Variants in CELSR1 observed in about 807,000 individuals in gnomAD.
The protein encoded by CELSR1 is cadherin EGF LAG seven-pass G-type receptor 1, also known as adhesion G protein-coupled receptor C1.
A neutral mutation model predicts 249.1 loss-of-function variants in CELSR1; 110 were observed. The ratio of observed to expected loss-of-function variants is 0.44; its 90% CI spans 0.38 to 0.52. CELSR1 has a LOEUF of 0.52. Among genes scored for constraint, CELSR1 ranks in the 20% least tolerant of loss-of-function variants. The probability of loss-of-function intolerance (pLI) is 0.00; values close to 1 mark genes in which losing one functional copy is unlikely to be tolerated. For missense variants in CELSR1, 4,109 were observed against 4,296.4 expected (o/e 0.96, Z 1.22); for synonymous variants, 2,113 against 1,900.0 (o/e 1.11, Z -2.92).
chr22:46,415,237 C>T (rs906209680), intron 5 of CELSR1, among the ~76,000 whole-genome samples: 1 of 152,162 alleles, frequency 6.6e-6, no homozygotes, highest in African/African-American at 2.4e-5. Context: ...GCAACCTCCG[C>T]CTCCCAGGTT....
intron 17 of CELSR1, among the ~76,000 whole-genome samples, chr22:46,389,724 T>G (rs1425495517): frequency 6.6e-6 from 1 of 152,234 alleles, no homozygotes; most frequent in Non-Finnish European, 1.5e-5. Context: ...AAGACCAGCC[T>G]GTCCAATATG....
rs1263421175 is a variant in CELSR1 at position 46,413,809 on chromosome 22, G to A, written c.4612-2050C>T. ...GAAAACGCGTGGAAGTGCCCATTAT[G>A]GGACGCTTAAATGTGAGATGCGATC... On this transcript the variant is annotated intron_variant, in intron 5 of 34. Coordinates refer to ENST00000674500, the MANE Select transcript of CELSR1 (RefSeq NM_001378328.1). The surrounding 1 kb of genome is among the most constrained non-coding windows in gnomAD (Gnocchi z 4.7). Among the ~76,000 whole-genome samples, 1 of 152,170 alleles carries A rather than the reference G, an allele frequency of 6.6e-6. No homozygotes were observed. Among genetic ancestry groups the A allele is most frequent in the Non-Finnish European group, 1.5e-5 (1 of 68,034 alleles).
rs953121241 is a variant in CELSR1, at chr22:46,443,548, C to T, written c.4184-4137G>A. On this transcript the variant is annotated intron_variant, in intron 2 of 34. Coordinates refer to ENST00000674500, the MANE Select transcript of CELSR1 (RefSeq NM_001378328.1). ...ATGCTGCACCCCGCCGCCCTGCAGG[C>T]GGGCCATGTGCACACACACACCTGC... is the stretch of plus-strand genomic sequence containing the variant. Among the ~76,000 whole-genome samples the T allele has an allele frequency of 5.3e-5, 8 of 152,242 alleles. No individual in the cohort carries two copies. The South Asian group carries it at 1.4e-3, about 28-fold the overall frequency.
rs761697496 is a variant in CELSR1 at position 46,410,506 on chromosome 22, C to A, written c.4825G>T (p.Asp1609Tyr). 3.8e-5 allele frequency: 61 copies of A among 1,614,018 alleles called. No homozygotes were observed. Among genetic ancestry groups the A allele is most frequent in the Admixed American group, 1.8e-4 (11 of 60,012 alleles). Residue 1609 changes from aspartate (D) to tyrosine (Y), a missense_variant, in exon 7 of 35, where the codon GAC becomes TAC. Around this residue, in one of 7 missense-constraint regions of CELSR1, gnomAD observed 453 missense variants for 492.0 expected, o/e 0.92. Transcript: ENST00000674500. This position sits in a 1 kb window ranked among gnomAD's most constrained non-coding sequence, Gnocchi z 6.8. ...LLGGVPNLPE[D>Y]FPVHNRQFVG... ...AACTGCCGGTTGTGCACTGGGAAGT[C>A]TTCTGGCAGGTTGGGGACACCCCCC...
intron 1 of CELSR1, among the ~76,000 whole-genome samples, chr22:46,493,535 G>C (rs1264362997): frequency 7.9e-6 from 1 of 127,322 alleles, no homozygotes. Flanking sequence ...GACAGAACGA[G>C]ACTCCGTCTC....
In CELSR1 at chr22:46,473,991, G is replaced by C. The variant is rs1006779225; in HGVS notation, c.3545-9646C>G. ...AGGGGACAAGCACTTTCAGGGTTGG[G>C]TGTGCGGCGCATGTCAGGATGTCAA... On this transcript the variant is annotated intron_variant, in intron 1 of 34. Coordinates refer to ENST00000674500, the MANE Select transcript of CELSR1 (RefSeq NM_001378328.1). This position sits in a 1 kb window ranked among gnomAD's most constrained non-coding sequence, Gnocchi z 6.6. 6.6e-6 allele frequency among the ~76,000 whole-genome samples: 1 copy of C among 152,128 alleles called. No individual in the cohort carries two copies. The highest frequency in any genetic ancestry group is 6.6e-5 in the Admixed American group (1 of 15,264).
rs554439369 is a variant in CELSR1 at position 46,464,170 on chromosome 22, G to T, written c.3720C>A (p.Asp1240Glu). 2.5e-6 allele frequency: 4 copies of T among 1,613,718 alleles called. No homozygotes were observed. The highest frequency in any genetic ancestry group is 3.4e-6 in the Non-Finnish European group (4 of 1,180,024). Residue 1240 changes from aspartate to glutamate, a missense_variant, in exon 2 of 35, where the codon GAC (aspartate) becomes GAA (glutamate). Physicochemically the swap from Asp to Glu is conservative, Grantham distance 45. This residue lies in a region of CELSR1 where 141 missense variants were observed against 209.4 expected (regional missense o/e 0.67). Transcript: ENST00000674500. This position sits in a 1 kb window ranked among gnomAD's most constrained non-coding sequence, Gnocchi z 8.5. ...TCTGGACGTTGAAGACGAAGACGTC[G>T]TCCTTGGTGGTGGACAGCACGGCGG... ...GVAAVLSTTKDDVFVFNVQND... is the reference protein window; with the variant it reads ...GVAAVLSTTKEDVFVFNVQND...
At position 46,536,538 on chromosome 22, in the gene CELSR1, C is replaced by A. The variant is rs777434859; in HGVS notation, c.633G>T (p.Ser211=). Reference sequence around the variant, plus strand: ...GCGGCAGGGGCGGCGATGGGGATGGCGACGCGGAGGGCGTCCCCGCGGTGG... The same window carrying A: ...GCGGCAGGGGCGGCGATGGGGATGGAGACGCGGAGGGCGTCCCCGCGGTGG... ...EAATAGTPSA[S]PSPSPPLPPN... The change falls in exon 1 of 35, where the codon TCG becomes TCT. Residue 211 remains serine (S), a synonymous_variant. Transcript: ENST00000674500. The A allele has an allele frequency of 1.4e-6, 2 of 1,399,148 alleles. No homozygotes were observed. Among genetic ancestry groups the A allele is most frequent in the South Asian group, 3.2e-5 (2 of 62,442 alleles). The allele number at this position is 1,399,148 out of a possible 1,614,324, so 86.7% of individuals were successfully genotyped here.
intron 1 of CELSR1, among the ~76,000 whole-genome samples, chr22:46,487,907 G>A (rs1275420486): frequency 7.3e-6 from 1 of 136,284 alleles, no homozygotes; most frequent in Non-Finnish European, 1.6e-5. Flanking sequence ...TATATGGGAG[G>A]GCTGTCCAGC....
rs1021742120 is a variant in CELSR1 at position 46,395,767 on chromosome 22, G to A, written c.5843+838C>T. Reference sequence around the variant, plus strand: ...GCCACAGGGGCATCACCTCCACGGCGGCCTGGAACCTTGGTTTATGAAGAA... The same window carrying A: ...GCCACAGGGGCATCACCTCCACGGCAGCCTGGAACCTTGGTTTATGAAGAA... On this transcript the variant is annotated intron_variant, in intron 13 of 34. Coordinates refer to ENST00000674500, the MANE Select transcript of CELSR1 (RefSeq NM_001378328.1). The surrounding 1 kb of genome is among the most constrained non-coding windows in gnomAD (Gnocchi z 5.5). 8.5e-5 allele frequency among the ~76,000 whole-genome samples: 13 copies of A among 152,058 alleles called. No individual in the cohort carries two copies. The highest frequency in any genetic ancestry group is 1.7e-4 in the African/African-American group (7 of 41,394).
chr22:46,456,366 G>A (rs1356359460), intron 2 of CELSR1, among the ~76,000 whole-genome samples: 2 of 152,132 alleles, frequency 1.3e-5, no homozygotes, highest in Non-Finnish European at 2.9e-5. Context: ...TCTGATAAGA[G>A]AACCCAAAAT....
Position 46,487,377 on chromosome 22 carries a change from T to C in CELSR1, c.3545-23032A>G, listed in dbSNP as rs555970443. ...AACGCAAAGAAACTCTAATTAAAATTGCTGTCACTCATTAATTCAACAAAC... is the reference window on the plus strand; with the variant it reads ...AACGCAAAGAAACTCTAATTAAAATCGCTGTCACTCATTAATTCAACAAAC... On this transcript the variant is annotated intron_variant, in intron 1 of 34. Transcript: ENST00000674500. Among the ~76,000 whole-genome samples, 20 of 150,084 alleles carry C rather than the reference T, an allele frequency of 1.3e-4. No homozygotes were observed. The East Asian group carries it at 4.0e-3, about 30-fold the overall frequency.
At chr22:46,466,762 TG>T (rs1201631828) in intron 1 of CELSR1, among the ~76,000 whole-genome samples, 1 of 152,242 alleles carries the variant, frequency 6.6e-6, no homozygotes, top group Non-Finnish European at 1.5e-5. Context: ...AATGTGTTGC[TG>T]GGAACCGAAC....
intron 25 of CELSR1, chr22:46,370,338 ATGCAGACACACATACCGTG>A (rs1347907204): frequency 2.9e-6 from 1 of 345,496 alleles, no homozygotes; most frequent in South Asian, 2.2e-5. Flanking sequence ...ATACACATGC[ATGCAGACACACATACCGTG>A]TGCAGACACG....
intron 5 of CELSR1, among the ~76,000 whole-genome samples, chr22:46,432,793 C>A (rs1250723464): frequency 6.6e-6 from 1 of 151,716 alleles, no homozygotes; most frequent in African/African-American, 2.4e-5. Flanking sequence ...AAGGTGGCTG[C>A]AAATGAATAA....
intron 2 of CELSR1, among the ~76,000 whole-genome samples, chr22:46,457,154 G>A (rs368857378): frequency 6.6e-6 from 1 of 152,202 alleles, no homozygotes; most frequent in South Asian, 2.1e-4. Context: ...AGAACAGCTT[G>A]GCCAACATGG....
At chr22:46,384,716 A>G (rs1265473956) in intron 19 of CELSR1, 30 bp from the exon 20 acceptor site, 1 of 1,597,388 alleles carries the variant, frequency 6.3e-7, no homozygotes, top group African/African-American at 1.3e-5. Flanking sequence ...AATCAGACAT[A>G]ACTCCCAGGG....
chr22:46,488,488 G>T lies in CELSR1; in HGVS notation c.3545-24143C>A, dbSNP rs1032592607. On this transcript the variant is annotated intron_variant, in intron 1 of 34. Transcript: ENST00000674500. This position sits in a 1 kb window ranked among gnomAD's most constrained non-coding sequence, Gnocchi z 4.7. Reference sequence around the variant, plus strand: ...GTGAGCTCAGTGGGACGGTTCGGCAGGAACACGGCTTGAACCCACACCAAG... The same window carrying T: ...GTGAGCTCAGTGGGACGGTTCGGCATGAACACGGCTTGAACCCACACCAAG... Among the ~76,000 whole-genome samples, 8 of 152,202 alleles carry T rather than the reference G, an allele frequency of 5.3e-5. No individual in the cohort carries two copies. Among genetic ancestry groups the T allele is most frequent in the African/African-American group, 1.7e-4 (7 of 41,434 alleles).
chr22:46,482,845 T>C (rs914182488), intron 1 of CELSR1, among the ~76,000 whole-genome samples: 1 of 152,212 alleles, frequency 6.6e-6, no homozygotes, highest in Non-Finnish European at 1.5e-5. Flanking sequence ...GAACAAGCTC[T>C]ATCTGATGTC....
Sources: gnomAD v4.1 joint callset for allele counts (sites outside exome capture counted in the v4.1 genomes callset) on GRCh38, gnomAD v4.1.1 for gene constraint, gnomAD v4.1.1 regional missense constraint, Gnocchi (gnomAD v3.1) non-coding constraint, MANE v1.5 for transcripts, NCBI Gene and HGNC (gene_info 2026-07-23, HGNC 2026-07-21) for gene names.